NOL10: variants seen among roughly 807,000 people sequenced by gnomAD.
The protein encoded by NOL10 is nucleolar protein 10.
A neutral mutation model predicts 103.5 loss-of-function variants in NOL10; 58 were observed. That is an observed-to-expected ratio of 0.56 (90% CI 0.45 to 0.70). The LOEUF (loss-of-function observed/expected upper bound fraction) is 0.70. Ranked by LOEUF, NOL10 falls within the 30% of genes least tolerant of loss-of-function variation. The probability of loss-of-function intolerance (pLI) is 0.00; values close to 1 mark genes in which losing one functional copy is unlikely to be tolerated. For missense variants in NOL10, 763 were observed against 807.3 expected, an observed-to-expected ratio of 0.95 and a Z score of 0.67; for synonymous variants, 287 against 282.5, an observed-to-expected ratio of 1.02 and a Z score of -0.16.
rs541901235 is a variant in NOL10 at position 10,660,466 on chromosome 2, G to A, written c.678-1216C>T. 3.9e-5 allele frequency among the ~76,000 whole-genome samples: 6 copies of A among 152,108 alleles called. 1 individual carries two copies. The highest frequency in any genetic ancestry group is 3.3e-4 in the Admixed American group (5 of 15,262). On this transcript the variant is annotated intron_variant, in intron 9 of 20. Coordinates refer to ENST00000381685, the MANE Select transcript of NOL10 (RefSeq NM_024894.4). ...CGAGTAGCTGGGACTACAGATGTGT[G>A]CCACCACTCCCAGCTAATTTTTGTA... is the stretch of plus-strand genomic sequence containing the variant.
At chr2:10,664,429 GA>G (rs1680445859) in intron 8 of NOL10, among the ~76,000 whole-genome samples, 1 of 152,156 alleles carries the variant, frequency 6.6e-6, no homozygotes, top group Non-Finnish European at 1.5e-5. Context: ...ACAGAATGGA[GA>G]AACTGTAGTA....
chr2:10,631,005 G>A (rs1265834696), intron 13 of NOL10, among the ~76,000 whole-genome samples: 1 of 152,138 alleles, frequency 6.6e-6, no homozygotes, highest in Non-Finnish European at 1.5e-5. Flanking sequence ...GTTGCTACTG[G>A]TACTATAAAA....
intron 10 of NOL10, 137 bp from the exon 11 acceptor site, chr2:10,658,028 A>G (rs2148315953): frequency 1.9e-6 from 1 of 533,730 alleles, no homozygotes; most frequent in South Asian, 4.5e-5. Flanking sequence ...CAAGGTGCTG[A>G]GATTTGAGAT....
At chr2:10,647,194 C>T (rs1679142693) in intron 12 of NOL10, among the ~76,000 whole-genome samples, 1 of 152,212 alleles carries the variant, frequency 6.6e-6, no homozygotes, top group Admixed American at 6.5e-5. Context: ...GTATAGTACG[C>T]TGTAATAATA....
chr2:10,674,769 G>C (rs2148348871), intron 4 of NOL10, among the ~76,000 whole-genome samples: 1 of 152,298 alleles, frequency 6.6e-6, no homozygotes, highest in African/African-American at 2.4e-5. Flanking sequence ...TCTGGGAGGT[G>C]GAGTTTACAG....
chr2:10,637,131 A>G (rs1678288277), intron 13 of NOL10, among the ~76,000 whole-genome samples: 1 of 133,972 alleles, frequency 7.5e-6, no homozygotes, highest in Non-Finnish European at 1.6e-5. Context: ...GACCCAGGAG[A>G]TGGAGGTTGA....
rs56031158 is a variant in NOL10, at chr2:10,649,311, A to ATTTTTTTTTT, written c.974-4949_974-4940dup. ...TTTTTCAACTTTTCTGTATGTTTGA[A>ATTTTTTTTTT]TTTTTTTTTTTTTTTTTTTTTTTTT... On this transcript the variant is annotated intron_variant, in intron 12 of 20. Transcript: ENST00000381685. 5.9e-4 allele frequency among the ~76,000 whole-genome samples: 58 copies of ATTTTTTTTTT among 99,058 alleles called. 2 individuals are homozygous for ATTTTTTTTTT. Among genetic ancestry groups the ATTTTTTTTTT allele is most frequent in the African/African-American group, 1.3e-3 (32 of 24,142 alleles). 65.0% of individuals were successfully genotyped at this position (99,058 alleles called of 152,430 possible). A position where few individuals can be genotyped will look rare whatever the true frequency, so the allele number is the denominator to read the frequency against.
intron 5 of NOL10, 64 bp from the exon 6 acceptor site, chr2:10,671,754 C>A: frequency 7.7e-7 from 1 of 1,302,328 alleles, no homozygotes. Flanking sequence ...TTCATTATCG[C>A]TAAAAAACTG....
At chr2:10,656,742 C>T (rs1326794288) in intron 11 of NOL10, among the ~76,000 whole-genome samples, 1 of 152,178 alleles carries the variant, frequency 6.6e-6, no homozygotes. Flanking sequence ...GCCGTCCACC[C>T]GACTTCATCA....
At position 10,579,917 on chromosome 2, in the gene NOL10, C is replaced by A. The variant is rs1265862708; in HGVS notation, c.1845-2179G>T. 2.0e-5 allele frequency among the ~76,000 whole-genome samples: 3 copies of A among 152,114 alleles called. 1 individual carries two copies. Among genetic ancestry groups the A allele is most frequent in the African/African-American group, 7.2e-5 (3 of 41,414 alleles). ...GCAATTATTACTCTGTTAAGAATGA[C>A]CTTACTTCCTCCATGATAGGGCATA... On this transcript the variant is annotated intron_variant, in intron 19 of 20. Coordinates refer to ENST00000381685, the MANE Select transcript of NOL10 (RefSeq NM_024894.4).
At chr2:10,681,921 G>T in intron 3 of NOL10, 50 bp downstream of exon 3, 2 of 780,636 alleles carry the variant, frequency 2.6e-6, no homozygotes, top group Non-Finnish European at 3.8e-6. Context: ...TCCCATCGCA[G>T]CATTTCCTGG....
intron 12 of NOL10, among the ~76,000 whole-genome samples, chr2:10,653,269 C>A (rs979994527): frequency 6.6e-6 from 1 of 151,792 alleles, no homozygotes; most frequent in South Asian, 2.1e-4. Flanking sequence ...AGTATAAGGT[C>A]AAGGGAGCTG....
rs142968524 is a variant in NOL10, at chr2:10,671,587, T to G, written c.431A>C (p.Tyr144Ser). The stretch of plus-strand genomic sequence containing the variant: ...AACAAAGTACAAGTCACAGGATGGA[T>G]AGTGGTAAGAGAAATCTCTCCCAAA... The part of the protein sequence containing the change: ...PKFGRDFSYH[Y>S]PSCDLYFVGA... The change falls in exon 6 of 21, where the codon TAT becomes TCT. Residue 144 changes from tyrosine (Y) to serine (S), a missense_variant. Tyr to Ser is a moderately radical substitution (Grantham distance 144). Transcript: ENST00000381685. 9.0e-5 allele frequency: 145 copies of G among 1,605,982 alleles called. No individual in the cohort carries two copies. In the African/African-American group the frequency reaches 1.5e-3, roughly 16 times the overall value.
chr2:10,673,225 G>C, intron 5 of NOL10: 1 of 242,658 alleles, frequency 4.1e-6, no homozygotes, highest in Non-Finnish European at 7.9e-6. Context: ...TAGAATACAG[G>C]ATGATATAAA....
chr2:10,595,464 C>T (rs1675625977), intron 17 of NOL10, among the ~76,000 whole-genome samples: 1 of 152,098 alleles, frequency 6.6e-6, no homozygotes, highest in Non-Finnish European at 1.5e-5. Context: ...ACCACTACAC[C>T]CAGCTAATGT....
intron 1 of NOL10, among the ~76,000 whole-genome samples, chr2:10,685,805 G>T (rs996496050): frequency 1.3e-5 from 2 of 151,908 alleles, no homozygotes; most frequent in African/African-American, 4.8e-5. Flanking sequence ...CAAGTGCAGT[G>T]GTTCATATCT....
rs1677731401 is a variant in NOL10 at position 10,630,025 on chromosome 2, G to C, written c.1026+14295C>G. Reference sequence around the variant, plus strand: ...GGCTGCCTAGAAATCCTGGCCTCAAGTGATCCTCCCACCTCATCCTCCCAA... The same window carrying C: ...GGCTGCCTAGAAATCCTGGCCTCAACTGATCCTCCCACCTCATCCTCCCAA... On this transcript the variant is annotated intron_variant, in intron 13 of 20. Coordinates refer to ENST00000381685, the MANE Select transcript of NOL10 (RefSeq NM_024894.4). 6.6e-5 allele frequency among the ~76,000 whole-genome samples: 10 copies of C among 152,112 alleles called. No individual in the cohort carries two copies. The South Asian group carries it at 2.1e-3, about 32-fold the overall frequency.
At chr2:10,636,650 A>G (rs1227169615) in intron 13 of NOL10, among the ~76,000 whole-genome samples, 1 of 151,934 alleles carries the variant, frequency 6.6e-6, no homozygotes, top group African/African-American at 2.4e-5. Context: ...GAAGCTGAGG[A>G]GTAAGGCTGT....
rs1325018826 is a variant in NOL10 at position 10,657,869 on chromosome 2, G to C, written c.779C>G (p.Ser260Cys). 3 of 1,538,286 alleles carry C rather than the reference G, an allele frequency of 2.0e-6. No individual in the cohort carries two copies. In the South Asian group the frequency reaches 3.7e-5, roughly 19 times the overall value. The change falls in exon 11 of 21, where the codon TCT becomes TGT. Residue 260 changes from serine to cysteine, a missense_variant. Transcript: ENST00000381685. ...ATCTTTAACTAGCAATGGCTTATCAGATCGAAGGTCATATAATAAAACCTG... is the reference window on the plus strand; with the variant it reads ...ATCTTTAACTAGCAATGGCTTATCACATCGAAGGTCATATAATAAAACCTG... Reference protein sequence around the residue: ...TGQVLLYDLRSDKPLLVKDHQ... With the variant: ...TGQVLLYDLRCDKPLLVKDHQ...
Sources: allele counts gnomAD v4.1 joint callset (sites outside exome capture counted in the v4.1 genomes callset), GRCh38; gene constraint gnomAD v4.1.1; transcripts MANE v1.5; gene names NCBI Gene and HGNC (gene_info 2026-07-23, HGNC 2026-07-21).